The following EXOC2 variants were observed in gnomAD, a reference collection of about 807,000 sequenced individuals.
EXOC2 encodes the protein exocyst complex component 2, also known as SEC5-like 1.
EXOC2 carries 70 observed loss-of-function variants against 131.8 expected under a neutral mutation model. That is an observed-to-expected ratio of 0.53 (90% confidence interval 0.44 to 0.65). The LOEUF is 0.65. EXOC2 is among the 30% of genes least tolerant of loss of function. The probability of loss-of-function intolerance (pLI) is 0.00; values close to 1 mark genes in which losing one functional copy is unlikely to be tolerated. For synonymous variants in EXOC2, 411 were observed against 398.4 expected (o/e 1.03, Z -0.38); for missense variants, 923 against 1,108.6 (o/e 0.83, Z 2.38).
chr6:568,641 C>T (rs938319790), intron 13 of EXOC2, among the ~76,000 whole-genome samples: 3 of 152,174 alleles, frequency 2.0e-5, no homozygotes, highest in Admixed American at 6.5e-5. Flanking sequence ...GAGGGAGGCA[C>T]ATGCCAGTAT....
chr6:650,576 C>T (rs998679700), intron 1 of EXOC2, among the ~76,000 whole-genome samples: 1 of 152,122 alleles, frequency 6.6e-6, no homozygotes, highest in South Asian at 2.1e-4. Context: ...TTATAGGCAA[C>T]GTATCTCTGC....
intron 22 of EXOC2, 86 bp from the exon 23 acceptor site, chr6:532,696 TATA>T (rs1766161236): frequency 1.6e-6 from 2 of 1,241,972 alleles, no homozygotes; most frequent in African/African-American, 3.1e-5. Context: ...TACTTCAGAC[TATA>T]ATAAAAGCAC....
chr6:598,464 A>G (rs897688979), intron 9 of EXOC2, among the ~76,000 whole-genome samples: 3 of 152,228 alleles, frequency 2.0e-5, no homozygotes, highest in African/African-American at 4.8e-5. Context: ...GGCATTAGAC[A>G]TAACTTCAAA....
At chr6:631,300 G>A (rs1307101672) in intron 3 of EXOC2, among the ~76,000 whole-genome samples, 2 of 152,190 alleles carry the variant, frequency 1.3e-5, no homozygotes, top group Admixed American at 6.5e-5. Flanking sequence ...AGCACTTTGG[G>A]AGGCCGAGGT....
Position 610,178 on chromosome 6 carries a change from G to C in EXOC2, c.662C>G (p.Ala221Gly), listed in dbSNP as rs985841118. The C allele has an allele frequency of 6.2e-7, 1 of 1,612,602 alleles. No homozygotes were observed. Among genetic ancestry groups the C allele is most frequent in the Non-Finnish European group, 8.5e-7 (1 of 1,179,378 alleles). The change falls in exon 7 of 28, where the codon GCC (alanine) becomes GGC (glycine). Residue 221 changes from alanine to glycine, a missense_variant and splice_region_variant. By Grantham distance (60) the Ala-to-Gly change is moderately conservative (BLOSUM62 0). Coordinates refer to ENST00000230449, the MANE Select transcript of EXOC2 (RefSeq NM_018303.6). ...TFFEAQDALS[A>G]IHQKLEADGT... ...ATCTGCTTCTAGTTTTTGATGGATGGCTAGAAAAAAAAATCTAGTTAAAAT... is the reference window on the plus strand; with the variant it reads ...ATCTGCTTCTAGTTTTTGATGGATGCCTAGAAAAAAAAATCTAGTTAAAAT...
intron 13 of EXOC2, among the ~76,000 whole-genome samples, chr6:568,235 G>C (rs2018341): frequency 0.59 from 90,057 of 152,188 alleles, 27,083 homozygotes; most frequent in East Asian, 0.74. Flanking sequence ...GAACCTCTCC[G>C]GGATGTGGAT....
Position 490,101 on chromosome 6 carries a change from A to C in EXOC2, c.2621+1024T>G, listed in dbSNP as rs188198421. Among the ~76,000 whole-genome samples, 31 of 152,332 alleles carry C rather than the reference A, an allele frequency of 2.0e-4. 1 individual carries two copies. The East Asian group carries it at 5.6e-3, about 27-fold the overall frequency. The stretch of plus-strand genomic sequence containing the variant: ...TGATTAATTGAAAGAAATGTGATGT[A>C]ATTGTTTTGACAGTATGACAATAAT... On this transcript the variant is annotated intron_variant, in intron 26 of 27. Transcript: ENST00000230449.
At chr6:631,366 C>T (rs1308190838) in intron 3 of EXOC2, among the ~76,000 whole-genome samples, 1 of 152,000 alleles carries the variant, frequency 6.6e-6, no homozygotes, top group Admixed American at 6.6e-5. Flanking sequence ...GGTGAAACCC[C>T]ATCTCTACTA....
At chr6:631,112 A>C (rs1761822787) in intron 3 of EXOC2, among the ~76,000 whole-genome samples, 3 of 152,222 alleles carry the variant, frequency 2.0e-5, no homozygotes, top group Non-Finnish European at 4.4e-5. Context: ...TCATGGGAGA[A>C]GGCTGTCTGA....
chr6:495,091 G>T, intron 25 of EXOC2, among the ~76,000 whole-genome samples: 1 of 144,286 alleles, frequency 6.9e-6, no homozygotes, highest in Non-Finnish European at 1.5e-5. Context: ...GTGTTACTAT[G>T]TTGCCCAGGC....
In EXOC2 at chr6:490,648, C is replaced by T. The variant is rs753482311; in HGVS notation, c.2621+477G>A. Among the ~76,000 whole-genome samples the T allele has an allele frequency of 4.6e-5, 7 of 152,194 alleles. 1 individual carries two copies. The highest frequency in any genetic ancestry group is 1.4e-4 in the African/African-American group (6 of 41,434). ...AGTATTTCCTAGGTAATGTTGCCCACGTAGTAAACAATTTTGCACAGACAA... is the reference window on the plus strand; with the variant it reads ...AGTATTTCCTAGGTAATGTTGCCCATGTAGTAAACAATTTTGCACAGACAA... On this transcript the variant is annotated intron_variant, in intron 26 of 27. Transcript: ENST00000230449.
intron 1 of EXOC2, among the ~76,000 whole-genome samples, chr6:687,156 T>C (rs965873323): frequency 1.4e-5 from 2 of 139,404 alleles, no homozygotes; most frequent in South Asian, 4.9e-4. Context: ...GAAGAAGTCA[T>C]TATCAAATAA....
chr6:656,388 C>G, intron 1 of EXOC2: 1 of 1,614,230 alleles, frequency 6.2e-7, no homozygotes, highest in Non-Finnish European at 8.5e-7. Flanking sequence ...CATCCTGCCA[C>G]TGAGGTTTGC....
At chr6:606,567 GCC>G (rs1760427722) in intron 7 of EXOC2, among the ~76,000 whole-genome samples, 1 of 152,166 alleles carries the variant, frequency 6.6e-6, no homozygotes, top group Non-Finnish European at 1.5e-5. Context: ...TATGAATCAA[GCC>G]TCTTTTCTGT....
intron 21 of EXOC2, among the ~76,000 whole-genome samples, chr6:552,131 AAC>A (rs1461011782): frequency 6.6e-6 from 1 of 152,200 alleles, no homozygotes; most frequent in African/African-American, 2.4e-5. Context: ...TATAGCAGAA[AAC>A]ACAGAGATCA....
Position 538,235 on chromosome 6 carries a change from G to A in EXOC2, c.2239-5625C>T, listed in dbSNP as rs1766583643. Reference sequence around the variant, plus strand: ...GTAAGGATTTAAACAGATAATTCAGGAAACTTGCATAGCACACTGAAAGCA... The same window carrying A: ...GTAAGGATTTAAACAGATAATTCAGAAAACTTGCATAGCACACTGAAAGCA... On this transcript the variant is annotated intron_variant, in intron 22 of 27. Transcript: ENST00000230449. Among the ~76,000 whole-genome samples the A allele has an allele frequency of 2.0e-5, 3 of 152,276 alleles. No homozygotes were observed. In the South Asian group the frequency reaches 6.2e-4, roughly 32 times the overall value.
chr6:667,424 G>A (rs1763668999), intron 1 of EXOC2, among the ~76,000 whole-genome samples: 1 of 97,328 alleles, frequency 1.0e-5, no homozygotes, highest in Admixed American at 1.2e-4. Flanking sequence ...CATTATTTCT[G>A]GGTGTGTCTG....
chr6:600,324 G>GA (rs1448148906), intron 7 of EXOC2, among the ~76,000 whole-genome samples: 1 of 152,078 alleles, frequency 6.6e-6, no homozygotes, highest in African/African-American at 2.4e-5. Context: ...TATAAGATGA[G>GA]AAAAAATATA....
chr6:562,355 A>G (rs1757744202), intron 17 of EXOC2, among the ~76,000 whole-genome samples: 1 of 152,192 alleles, frequency 6.6e-6, no homozygotes, highest in South Asian at 2.1e-4. Context: ...TTCTAGAAAC[A>G]GGTCACAGTT....
Sources: gnomAD v4.1 joint callset for allele counts (sites outside exome capture counted in the v4.1 genomes callset) on GRCh38, gnomAD v4.1.1 for gene constraint, MANE v1.5 for transcripts, NCBI Gene and HGNC (gene_info 2026-07-23, HGNC 2026-07-21) for gene names.